Variants in KIF2C observed in about 807,000 individuals in gnomAD.
KIF2C encodes kinesin-like protein KIF2C.
In KIF2C, 34 loss-of-function variants were observed where a neutral mutation model predicts 97.4. The ratio of observed to expected loss-of-function variants is 0.35; its 90% CI spans 0.27 to 0.46. The LOEUF is 0.46. Ranked by LOEUF, KIF2C falls within the 20% of genes least tolerant of loss-of-function variation. The pLI, the probability that KIF2C is intolerant of heterozygous loss-of-function variation, is 1.00. For synonymous variants in KIF2C, 313 were observed against 318.2 expected (o/e 0.98, Z 0.17); for missense variants, 750 against 907.6 (o/e 0.83, Z 2.23).
Position 44,760,387 on chromosome 1 carries a change from A to T in KIF2C, c.1475A>T (p.Asp492Val). 1 of 1,614,226 alleles carries T rather than the reference A, an allele frequency of 6.2e-7. No individual in the cohort carries two copies. Among genetic ancestry groups the T allele is most frequent in the Non-Finnish European group, 8.5e-7 (1 of 1,180,034 alleles). ...GRMHGKFSLV[D>V]LAGNERGADT... ...ATGCATGGCAAGTTCTCTTTGGTAG[A>T]TCTGGCAGGGAATGAGCGAGGCGCG... The change falls in exon 15 of 21, where the codon GAT becomes GTT. Residue 492 changes from aspartate (D) to valine (V), a missense_variant. Asp to Val is a radical substitution (Grantham distance 152). Coordinates refer to ENST00000372224, the MANE Select transcript of KIF2C (RefSeq NM_006845.4). This position sits in a 1 kb window ranked among gnomAD's most constrained non-coding sequence, Gnocchi z 4.2.
At chr1:44,753,935 C>A in intron 7 of KIF2C, 102 bp downstream of exon 7, 1 of 399,464 alleles carries the variant, frequency 2.5e-6, no homozygotes, top group Admixed American at 4.4e-5. Flanking sequence ...ATTTCTGAGG[C>A]TCCAGTTCTT....
chr1:44,751,135 C>G (rs1649486627), intron 5 of KIF2C, among the ~76,000 whole-genome samples: 1 of 152,180 alleles, frequency 6.6e-6, no homozygotes, highest in African/African-American at 2.4e-5. Flanking sequence ...CAAGGGTACC[C>G]ATAATCCTGA....
intron 2 of KIF2C, among the ~76,000 whole-genome samples, chr1:44,741,215 C>G (rs1258283599): frequency 1.3e-5 from 2 of 151,882 alleles, no homozygotes; most frequent in Non-Finnish European, 2.9e-5. Context: ...AAACCTGTCT[C>G]TACTGAAAAT....
rs1417814810 is a variant in KIF2C, at chr1:44,760,713, T to G, written c.1683+11T>G. The G allele has an allele frequency of 6.2e-7, 1 of 1,600,478 alleles. No individual in the cohort carries two copies. The highest frequency in any genetic ancestry group is 8.6e-7 in the Non-Finnish European group (1 of 1,167,870). On this transcript the variant is annotated intron_variant, in intron 16 of 20. Coordinates refer to ENST00000372224, the MANE Select transcript of KIF2C (RefSeq NM_006845.4). This position sits in a 1 kb window ranked among gnomAD's most constrained non-coding sequence, Gnocchi z 4.2. ...TCTAGGACTTGCATGGTGAGTAGGG[T>G]CACTTTGAAGGTGATGGTACAGGAG...
At chr1:44,759,014 A>T in intron 13 of KIF2C, 192 bp from the exon 14 acceptor site, 1 of 634,632 alleles carries the variant, frequency 1.6e-6, no homozygotes, top group Non-Finnish European at 2.7e-6. Context: ...TACCAGAGTC[A>T]CAGCAAACTG....
At chr1:44,744,078 G>T (rs942568523) in intron 2 of KIF2C, among the ~76,000 whole-genome samples, 16 of 127,160 alleles carry the variant, frequency 1.3e-4, no homozygotes, top group African/African-American at 3.3e-4. Context: ...TCAAGCTCTG[G>T]TTTTTTTTTT....
intron 8 of KIF2C, 99 bp from the exon 9 acceptor site, chr1:44,755,830 C>A: frequency 2.7e-6 from 3 of 1,113,448 alleles, no homozygotes; most frequent in Non-Finnish European, 4.1e-6. Context: ...TCTGACTGGG[C>A]CAGACATGGG....
At chr1:44,756,535 CTCTA>C (rs1238536465) in intron 10 of KIF2C, among the ~76,000 whole-genome samples, 1 of 146,282 alleles carries the variant, frequency 6.8e-6, no homozygotes, top group African/African-American at 2.5e-5. Context: ...TCCAGATCTG[CTCTA>C]TCTGCTTTTT....
intron 5 of KIF2C, among the ~76,000 whole-genome samples, chr1:44,751,947 G>A (rs1260519162): frequency 1.4e-5 from 2 of 140,932 alleles, no homozygotes; most frequent in South Asian, 2.3e-4. Flanking sequence ...TCAGCCTCCC[G>A]AGTAGCTAGG....
At chr1:44,745,464 C>CT (rs869293971) in intron 2 of KIF2C, among the ~76,000 whole-genome samples, 5,744 of 38,034 alleles carry the variant, frequency 0.15, 1,724 homozygotes, top group Middle Eastern at 0.29. Flanking sequence ...TTGTATATGT[C>CT]TTTTTTTTTT....
chr1:44,744,661 G>A (rs972897641), intron 2 of KIF2C, among the ~76,000 whole-genome samples: 2 of 152,166 alleles, frequency 1.3e-5, no homozygotes. Flanking sequence ...AGCACTCTGG[G>A]AAGCTGAAGC....
In KIF2C at chr1:44,767,227, G is replaced by A; in HGVS notation, c.*48G>A. On this transcript the variant is annotated 3_prime_UTR_variant, in exon 21 of 21. Coordinates refer to ENST00000372224, the MANE Select transcript of KIF2C (RefSeq NM_006845.4). ...TGGTTTGACACCCAGCCTCTTCCCT[G>A]GCCCTCCCCAGAGAACTTTGGGTAC... 6.4e-7 allele frequency: 1 copy of A among 1,557,224 alleles called. No individual in the cohort carries two copies. The highest frequency in any genetic ancestry group is 2.2e-5 in the East Asian group (1 of 44,486).
chr1:44,740,464 C>T (rs1268719591), intron 1 of KIF2C, among the ~76,000 whole-genome samples: 3 of 152,146 alleles, frequency 2.0e-5, no homozygotes, highest in Non-Finnish European at 4.4e-5. Flanking sequence ...TACCGCAGTT[C>T]TGGCAGGTCT....
Position 44,767,210 on chromosome 1 carries a change from C to T in KIF2C, c.*31C>T. 6.3e-7 allele frequency: 1 copy of T among 1,594,518 alleles called. No homozygotes were observed. Among genetic ancestry groups the T allele is most frequent in the South Asian group, 1.1e-5 (1 of 90,612 alleles). On this transcript the variant is annotated 3_prime_UTR_variant, in exon 21 of 21. Transcript: ENST00000372224. ...GCAAATAAAAATCTGTTTGGTTTGA[C>T]ACCCAGCCTCTTCCCTGGCCCTCCC... is the stretch of plus-strand genomic sequence containing the variant.
chr1:44,744,170 C>T (rs778670421), intron 2 of KIF2C, among the ~76,000 whole-genome samples: 9 of 151,966 alleles, frequency 5.9e-5, no homozygotes, highest in Non-Finnish European at 7.4e-5. Context: ...CTCAGTGAGC[C>T]GATTTCGGCT....
Position 44,762,562 on chromosome 1 carries a change from G to A in KIF2C, c.1875G>A (p.Glu625=). 6.2e-7 allele frequency: 1 copy of A among 1,613,850 alleles called. No homozygotes were observed. Among genetic ancestry groups the A allele is most frequent in the Non-Finnish European group, 8.5e-7 (1 of 1,179,722 alleles). The change falls in exon 19 of 21, where the codon GAG becomes GAA. Residue 625 remains glutamate (E), a synonymous_variant. Transcript: ENST00000372224. The stretch of plus-strand genomic sequence containing the variant: ...CCTCTCAGTTATCCAAGGAAGAGGA[G>A]GAACTGTCTTCCCAGATGTCCAGCT... The part of the protein sequence containing the change: ...LIPGNLSKEE[E]ELSSQMSSFN...
Position 44,762,594 on chromosome 1 carries a change from A to T in KIF2C, c.1907A>T (p.Glu636Val), listed in dbSNP as rs149907736. The part of the protein sequence containing the change: ...ELSSQMSSFN[E>V]AMTQIRELEE... Reference sequence around the variant, plus strand: ...TCTTCCCAGATGTCCAGCTTTAACGAAGCCATGACTCAGATCAGGGAGCTG... The same window carrying T: ...TCTTCCCAGATGTCCAGCTTTAACGTAGCCATGACTCAGATCAGGGAGCTG... The change falls in exon 19 of 21, where the codon GAA becomes GTA. Residue 636 changes from glutamate (E) to valine (V), a missense_variant. Coordinates refer to ENST00000372224, the MANE Select transcript of KIF2C (RefSeq NM_006845.4). The T allele has an allele frequency of 2.0e-5, 32 of 1,614,048 alleles. No homozygotes were observed. In the Admixed American group the frequency reaches 4.5e-4, roughly 23 times the overall value.
Position 44,758,162 on chromosome 1 carries a change from G to T in KIF2C, c.1224+22G>T, listed in dbSNP as rs767503865. ...GAAGGTAGCTGGCAGGAAGCCCCTT[G>T]TTTACACTGTTGGGGCCCAGCACTT... On this transcript the variant is annotated intron_variant, in intron 13 of 20. Transcript: ENST00000372224. 1.4e-5 allele frequency: 23 copies of T among 1,602,394 alleles called. No individual in the cohort carries two copies. In the Admixed American group the frequency reaches 3.8e-4, roughly 27 times the overall value.
chr1:44,745,189 C>CAAAA (rs77081893), intron 2 of KIF2C, among the ~76,000 whole-genome samples: 1 of 117,788 alleles, frequency 8.5e-6, no homozygotes, highest in South Asian at 2.8e-4. Context: ...AACTCCATCT[C>CAAAA]AAAAAAAAAA....
Sources: gnomAD v4.1 joint callset for allele counts (sites outside exome capture counted in the v4.1 genomes callset) on GRCh38, gnomAD v4.1.1 for gene constraint, Gnocchi (gnomAD v3.1) non-coding constraint, MANE v1.5 for transcripts, NCBI Gene and HGNC (gene_info 2026-07-23, HGNC 2026-07-21) for gene names.